ZDHHC15: variants seen among roughly 807,000 people sequenced by gnomAD.
ZDHHC15 encodes the protein palmitoyltransferase ZDHHC15.
In ZDHHC15, 19 loss-of-function variants were observed where a neutral mutation model predicts 31.7. That is an observed-to-expected ratio of 0.60 (90% confidence interval 0.42 to 0.88). The LOEUF is 0.88. Ranked by LOEUF, ZDHHC15 falls within the 40% of genes least tolerant of loss-of-function variation. The pLI, the probability that ZDHHC15 is intolerant of heterozygous loss-of-function variation, is 0.00. For synonymous variants in ZDHHC15, 103 were observed against 90.0 expected, an observed-to-expected ratio of 1.14 and a Z score of -0.82; for missense variants, 209 against 251.2, an observed-to-expected ratio of 0.83 and a Z score of 1.14.
At chrX:75,406,873 C>T (rs879175201) in intron 10 of ZDHHC15, among the ~76,000 whole-genome samples, 2 of 111,987 alleles carry the variant, frequency 1.8e-5, no homozygotes, top group Admixed American at 9.4e-5. Context: ...AACAAGGACA[C>T]AGTGAAAAAA....
At position 75,500,969 on chromosome X, in the gene ZDHHC15, A is replaced by G. The variant is rs373244421; in HGVS notation, c.163+4852T>C. Among the ~76,000 whole-genome samples the G allele has an allele frequency of 7.2e-5, 8 of 110,633 alleles. No individual in the cohort carries two copies. In the East Asian group the frequency reaches 2.3e-3, roughly 31 times the overall value. ...CAAAGCAGATCTTTCTTTTATTTTTAAAGTTTTATTTTCGGTTCGGGGGCA... is the reference window on the plus strand; with the variant it reads ...CAAAGCAGATCTTTCTTTTATTTTTGAAGTTTTATTTTCGGTTCGGGGGCA... On this transcript the variant is annotated intron_variant, in intron 2 of 11. Coordinates refer to ENST00000373367, the MANE Select transcript of ZDHHC15 (RefSeq NM_144969.3).
chrX:75,516,636 C>T (rs1300948821), intron 1 of ZDHHC15, among the ~76,000 whole-genome samples: 1 of 112,009 alleles, frequency 8.9e-6, no homozygotes, highest in East Asian at 2.8e-4. Context: ...AAAAACCCTA[C>T]AAGAAAACCC....
chrX:75,462,201 A>T (rs184540804), intron 3 of ZDHHC15, among the ~76,000 whole-genome samples: 1 of 112,618 alleles, frequency 8.9e-6, no homozygotes, highest in East Asian at 2.8e-4. Context: ...ACATAATGGA[A>T]AAAGGTTCAA....
At chrX:75,486,732 C>A (rs749300284) in intron 2 of ZDHHC15, among the ~76,000 whole-genome samples, 23 of 102,022 alleles carry the variant, frequency 2.3e-4, no homozygotes, top group Non-Finnish European at 4.2e-4. Flanking sequence ...ACTTCCCTGG[C>A]AACTTGTTTG....
chrX:75,458,175 G>A (rs1015917426), intron 3 of ZDHHC15, among the ~76,000 whole-genome samples: 19 of 112,002 alleles, frequency 1.7e-4, no homozygotes, highest in African/African-American at 6.1e-4. Flanking sequence ...CATCAACATG[G>A]ATAAATTTGA....
rs1054064019 is a variant in ZDHHC15 at position 75,500,189 on chromosome X, G to T, written c.163+5632C>A. Among the ~76,000 whole-genome samples the T allele has an allele frequency of 2.8e-5, 3 of 108,965 alleles. No individual in the cohort carries two copies. In the Admixed American group the frequency reaches 3.0e-4, roughly 11 times the overall value. 94.6% of individuals were successfully genotyped at this position (108,965 alleles called of 115,157 possible). ...GTTCAGTGTACAGTTTGGGTGATGG[G>T]TACACCAAAATCTCAGAAATCACAG... On this transcript the variant is annotated intron_variant, in intron 2 of 11. Transcript: ENST00000373367.
At chrX:75,390,623 A>G (rs776198795) in intron 10 of ZDHHC15, among the ~76,000 whole-genome samples, 3 of 111,832 alleles carry the variant, frequency 2.7e-5, no homozygotes, top group South Asian at 3.9e-4. Flanking sequence ...TTATATGAGT[A>G]TGCAAGAGCC....
rs1288268108 is a variant in ZDHHC15, at chrX:75,368,965, G to T, written c.*4013C>A. 9.0e-6 allele frequency: 1 copy of T among 111,450 alleles called. No individual in the cohort carries two copies. Among genetic ancestry groups the T allele is most frequent in the Non-Finnish European group, 1.9e-5 (1 of 53,080 alleles). The allele number at this position is 111,450 out of a possible 1,213,427, so 9.2% of individuals were successfully genotyped here. ...ATTATATAATACCCGCATGCAAAAG[G>T]CTACAATTTAATATGGTACATTACA... On this transcript the variant is annotated 3_prime_UTR_variant, in exon 12 of 12. Transcript: ENST00000373367.
chrX:75,453,578 C>T (rs2084162613), intron 3 of ZDHHC15, among the ~76,000 whole-genome samples: 1 of 110,593 alleles, frequency 9.0e-6, no homozygotes, highest in African/African-American at 3.3e-5. Flanking sequence ...GGCAGTGACA[C>T]AACAAAAAAA....
chrX:75,429,256 T>C, intron 6 of ZDHHC15, 58 bp from the exon 7 acceptor site: 1 of 1,148,222 alleles, frequency 8.7e-7, no homozygotes, highest in Non-Finnish European at 1.2e-6. Context: ...AGCACACTGA[T>C]ACATAAGTGA....
chrX:75,428,030 A>T (rs945878067), intron 7 of ZDHHC15, among the ~76,000 whole-genome samples: 1 of 111,240 alleles, frequency 9.0e-6, no homozygotes, highest in Admixed American at 9.6e-5. Flanking sequence ...AGTTTATTAT[A>T]GTCTATATTC....
chrX:75,522,137 G>A (rs757755858), intron 1 of ZDHHC15, among the ~76,000 whole-genome samples: 2 of 111,006 alleles, frequency 1.8e-5, no homozygotes, highest in Admixed American at 9.5e-5. Context: ...ATATAATCAG[G>A]GCCTCTCATG....
rs1034762341 is a variant in ZDHHC15 at position 75,384,495 on chromosome X, A to G, written c.968-5297T>C. 1.7e-5 allele frequency: 12 copies of G among 720,257 alleles called. No homozygotes were observed. In the African/African-American group the frequency reaches 2.5e-4, roughly 15 times the overall value. 59.4% of individuals were successfully genotyped at this position (720,257 alleles called of 1,213,427 possible). On this transcript the variant is annotated intron_variant, in intron 10 of 11. Coordinates refer to ENST00000373367, the MANE Select transcript of ZDHHC15 (RefSeq NM_144969.3). ...TCAAGGGAATGGGTACTGTTCAAAA[A>G]GGAATGCCCCACAAGTGTTACCATG...
intron 4 of ZDHHC15, 81 bp from the exon 5 acceptor site, chrX:75,431,601 C>G (rs2083781371): frequency 1.1e-6 from 1 of 881,152 alleles, no homozygotes; most frequent in African/African-American, 2.0e-5. Context: ...ATCTGGATGA[C>G]TTGTTATGCA....
At chrX:75,493,502 T>A (rs756731952) in intron 2 of ZDHHC15, among the ~76,000 whole-genome samples, 5 of 111,630 alleles carry the variant, frequency 4.5e-5, no homozygotes, top group African/African-American at 1.6e-4. Flanking sequence ...TAGACCAATA[T>A]CCTTGATGAA....
intron 3 of ZDHHC15, among the ~76,000 whole-genome samples, chrX:75,476,131 G>A (rs183115458): frequency 5.4e-5 from 6 of 110,841 alleles, no homozygotes; most frequent in East Asian, 2.8e-4. Context: ...GAATATTTAC[G>A]GTTTTCTATA....
rs184031926 is a variant in ZDHHC15 at position 75,486,587 on chromosome X, G to T, written c.164-7602C>A. Among the ~76,000 whole-genome samples, 13 of 112,053 alleles carry T rather than the reference G, an allele frequency of 1.2e-4. No individual in the cohort carries two copies. In the East Asian group the frequency reaches 3.1e-3, roughly 27 times the overall value. On this transcript the variant is annotated intron_variant, in intron 2 of 11. Transcript: ENST00000373367. ...TCTCACTGGGGAGGCTTGTAGCCTG[G>T]GGCAAGATCTCAGCCCTGCTCACCA...
chrX:75,492,537 C>A (rs1423683750), intron 2 of ZDHHC15, among the ~76,000 whole-genome samples: 1 of 111,536 alleles, frequency 9.0e-6, no homozygotes, highest in African/African-American at 3.3e-5. Context: ...GGAAGTAAAG[C>A]ACTCCTCGGC....
At chrX:75,468,275 C>T (rs766436455) in intron 3 of ZDHHC15, among the ~76,000 whole-genome samples, 2 of 110,915 alleles carry the variant, frequency 1.8e-5, no homozygotes. Context: ...GAACTCCCGA[C>T]CTCAGGTGAT....
Sources: gnomAD v4.1 joint callset for allele counts (sites outside exome capture counted in the v4.1 genomes callset) on GRCh38, gnomAD v4.1.1 for gene constraint, MANE v1.5 for transcripts, NCBI Gene and HGNC (gene_info 2026-07-23, HGNC 2026-07-21) for gene names.